LSAMP: variants seen among roughly 807,000 people sequenced by gnomAD.
LSAMP encodes the protein limbic system associated membrane protein, also known as limbic system-associated membrane protein.
A neutral mutation model predicts 38.6 loss-of-function variants in LSAMP; 7 were observed. The ratio of observed to expected loss-of-function variants is 0.18; its 90% CI spans 0.10 to 0.34. LSAMP has a LOEUF of 0.34. Ranked by LOEUF, LSAMP falls within the 10% of genes least tolerant of loss-of-function variation. The pLI, the probability that LSAMP is intolerant of heterozygous loss-of-function variation, is 1.00. For synonymous variants in LSAMP, 154 were observed against 166.8 expected, an observed-to-expected ratio of 0.92 and a Z score of 0.59; for missense variants, 313 against 420.0, an observed-to-expected ratio of 0.75 and a Z score of 2.23.
intron 4 of LSAMP, among the ~76,000 whole-genome samples, chr3:115,849,667 G>C (rs562500519): frequency 6.6e-6 from 1 of 152,190 alleles, no homozygotes; most frequent in East Asian, 1.9e-4. Context: ...GGTGATCCTG[G>C]GCATTTCTTT....
At chr3:116,373,734 A>T (rs971398541) in intron 1 of LSAMP, among the ~76,000 whole-genome samples, 1 of 151,922 alleles carries the variant, frequency 6.6e-6, no homozygotes, top group Non-Finnish European at 1.5e-5. Context: ...AATATATGGA[A>T]TTGGAACTGA....
intron 1 of LSAMP, among the ~76,000 whole-genome samples, chr3:116,284,541 C>T (rs1019467016): frequency 6.6e-6 from 1 of 152,192 alleles, no homozygotes; most frequent in African/African-American, 2.4e-5. Flanking sequence ...AAGCTGTGGA[C>T]CATTTCTCAG....
intron 3 of LSAMP, among the ~76,000 whole-genome samples, chr3:115,929,702 T>C (rs1937550158): frequency 6.6e-6 from 1 of 152,078 alleles, no homozygotes; most frequent in South Asian, 2.1e-4. Flanking sequence ...CTAAATATAT[T>C]TATAAAGAAA....
At chr3:116,232,072 C>T (rs1340500723) in intron 1 of LSAMP, among the ~76,000 whole-genome samples, 1 of 152,168 alleles carries the variant, frequency 6.6e-6, no homozygotes, top group Admixed American at 6.5e-5. Flanking sequence ...ATTACATGCA[C>T]CATCTTTCAA....
intron 1 of LSAMP, among the ~76,000 whole-genome samples, chr3:116,280,549 G>A (rs1428293417): frequency 6.6e-6 from 1 of 152,192 alleles, no homozygotes; most frequent in Non-Finnish European, 1.5e-5. Context: ...TATTTCTATG[G>A]TGCTGGCCAG....
At chr3:116,384,274 T>G (rs1286994943) in intron 1 of LSAMP, among the ~76,000 whole-genome samples, 3 of 152,166 alleles carry the variant, frequency 2.0e-5, no homozygotes, top group African/African-American at 7.2e-5. Flanking sequence ...ACCTCTTTAT[T>G]CTGAAGAATA....
At chr3:116,078,953 T>A (rs1707811442) in intron 2 of LSAMP, among the ~76,000 whole-genome samples, 1 of 152,098 alleles carries the variant, frequency 6.6e-6, no homozygotes, top group Non-Finnish European at 1.5e-5. Flanking sequence ...GCTACTGGGG[T>A]GTCTGTGCTC....
At chr3:116,250,829 A>T (rs1189644435) in intron 1 of LSAMP, among the ~76,000 whole-genome samples, 1 of 152,184 alleles carries the variant, frequency 6.6e-6, no homozygotes, top group East Asian at 1.9e-4. Context: ...AGATCGTGCC[A>T]CTGCACTCCA....
intron 3 of LSAMP, among the ~76,000 whole-genome samples, chr3:115,991,742 C>A (rs1939675182): frequency 1.3e-5 from 2 of 151,934 alleles, no homozygotes; most frequent in Admixed American, 6.6e-5. Context: ...GCAGTAGAAA[C>A]CCCAAAAAAA....
At chr3:116,239,662 T>C (rs1442633192) in intron 1 of LSAMP, among the ~76,000 whole-genome samples, 1 of 152,144 alleles carries the variant, frequency 6.6e-6, no homozygotes, top group East Asian at 1.9e-4. Context: ...ATTGGGTCTT[T>C]TAAAAATAGT....
intron 1 of LSAMP, among the ~76,000 whole-genome samples, chr3:116,108,601 G>A (rs1194631120): frequency 6.6e-6 from 1 of 152,216 alleles, no homozygotes; most frequent in Admixed American, 6.5e-5. Context: ...AAGCCAAGAA[G>A]ATCTGGGAAG....
At chr3:116,003,593 G>T (rs1485528744) in intron 3 of LSAMP, among the ~76,000 whole-genome samples, 1 of 152,094 alleles carries the variant, frequency 6.6e-6, no homozygotes, top group Non-Finnish European at 1.5e-5. Flanking sequence ...TTGGAAAAGG[G>T]GCTTTTGCAA....
chr3:116,329,426 G>A (rs2047819626), intron 1 of LSAMP, among the ~76,000 whole-genome samples: 1 of 152,252 alleles, frequency 6.6e-6, no homozygotes, highest in South Asian at 2.1e-4. Flanking sequence ...TGAAATTAAA[G>A]TAGTTCTCCT....
At chr3:115,939,396 TA>T (rs1166856486) in intron 3 of LSAMP, among the ~76,000 whole-genome samples, 1 of 152,178 alleles carries the variant, frequency 6.6e-6, no homozygotes, top group African/African-American at 2.4e-5. Flanking sequence ...TACTTCTGTT[TA>T]AAAAACTATT....
At chr3:116,345,456 T>C (rs1237386822) in intron 1 of LSAMP, among the ~76,000 whole-genome samples, 5 of 152,112 alleles carry the variant, frequency 3.3e-5, no homozygotes, top group Non-Finnish European at 7.4e-5. Context: ...GTATCAATCT[T>C]CTCTTTTCTG....
At chr3:116,243,959 C>T (rs1471918012) in intron 1 of LSAMP, among the ~76,000 whole-genome samples, 1 of 152,138 alleles carries the variant, frequency 6.6e-6, no homozygotes, top group Non-Finnish European at 1.5e-5. Flanking sequence ...GTTCCCTGTG[C>T]TTGGCAAATC....
At chr3:115,871,697 T>C (rs1180256799) in intron 3 of LSAMP, among the ~76,000 whole-genome samples, 1 of 151,976 alleles carries the variant, frequency 6.6e-6, no homozygotes, top group Non-Finnish European at 1.5e-5. Context: ...GACATTTTTT[T>C]CTAACCTGAG....
Position 116,275,573 on chromosome 3 carries a change from G to GT in LSAMP, c.155+169303dup, listed in dbSNP as rs897348349. On this transcript the variant is annotated intron_variant, in intron 1 of 6. Coordinates refer to ENST00000490035, the MANE Select transcript of LSAMP (RefSeq NM_002338.5). ...ATCACAGAATTTCATTGCATTTTCC[G>GT]TTTTTTTTTAAACCTCACTCTTTAG... Among the ~76,000 whole-genome samples, 53 of 151,236 alleles carry GT rather than the reference G, an allele frequency of 3.5e-4. No homozygotes were observed. In the Middle Eastern group the frequency reaches 0.01, roughly 29 times the overall value.
At chr3:116,420,661 A>G (rs1289117056) in intron 1 of LSAMP, among the ~76,000 whole-genome samples, 2 of 151,768 alleles carry the variant, frequency 1.3e-5, no homozygotes, top group Non-Finnish European at 2.9e-5. Context: ...ACTTGAGGTC[A>G]GGAATTCGAG....
Sources: allele counts gnomAD v4.1 joint callset (sites outside exome capture counted in the v4.1 genomes callset), GRCh38; gene constraint gnomAD v4.1.1; transcripts MANE v1.5; gene names NCBI Gene and HGNC (gene_info 2026-07-23, HGNC 2026-07-21).